Variants in STAC observed in about 807,000 individuals in gnomAD.
The protein encoded by STAC is SH3 and cysteine rich domain, also known as SH3 and cysteine-rich domain-containing protein.
In STAC, 43 loss-of-function variants were observed where a neutral mutation model predicts 48.8. That is an observed-to-expected ratio of 0.88 (90% CI 0.69 to 1.14). The LOEUF (loss-of-function observed/expected upper bound fraction) is 1.14, where lower values mean the gene tolerates loss of function less well. Ranked by LOEUF, STAC falls within the 50% of genes most tolerant of loss-of-function variation. STAC has a pLI of 0.00. For synonymous variants in STAC, 193 were observed against 179.5 expected (o/e 1.07, Z -0.60); for missense variants, 497 against 504.0 (o/e 0.99, Z 0.13).
chr3:36,435,166 C>A (rs34742417), intron 1 of STAC, among the ~76,000 whole-genome samples: 2 of 152,044 alleles, frequency 1.3e-5, no homozygotes, highest in Non-Finnish European at 2.9e-5. Flanking sequence ...CGGTACATTA[C>A]TCTAGTCCAT....
chr3:36,408,071 A>G (rs1221113417), intron 1 of STAC, among the ~76,000 whole-genome samples: 1 of 152,228 alleles, frequency 6.6e-6, no homozygotes, highest in Non-Finnish European at 1.5e-5. Flanking sequence ...ACAACCTAGA[A>G]GCTTACTTCT....
chr3:36,390,864 T>G (rs1699740005), intron 1 of STAC, among the ~76,000 whole-genome samples: 1 of 152,200 alleles, frequency 6.6e-6, no homozygotes, highest in Admixed American at 6.5e-5. Context: ...AAACAAAATT[T>G]GAAAATTTTT....
chr3:36,418,644 G>A (rs550015145), intron 1 of STAC, among the ~76,000 whole-genome samples: 1 of 151,088 alleles, frequency 6.6e-6, no homozygotes, highest in East Asian at 1.9e-4. Context: ...AAGTTCAATT[G>A]TTCATATATT....
At chr3:36,509,193 T>C (rs1205388610) in intron 8 of STAC, among the ~76,000 whole-genome samples, 1 of 152,214 alleles carries the variant, frequency 6.6e-6, no homozygotes, top group Non-Finnish European at 1.5e-5. Flanking sequence ...TTTGGCTGGA[T>C]ATAAAATTCT....
At chr3:36,482,099 G>T (rs1251187361) in intron 2 of STAC, among the ~76,000 whole-genome samples, 1 of 152,164 alleles carries the variant, frequency 6.6e-6, no homozygotes, top group East Asian at 1.9e-4. Context: ...AGACTTGCCT[G>T]GGAACCTACC....
intron 1 of STAC, among the ~76,000 whole-genome samples, chr3:36,415,702 G>T (rs745970776): frequency 1.3e-5 from 2 of 152,154 alleles, no homozygotes; most frequent in African/African-American, 4.8e-5. Flanking sequence ...CATCTTCTGC[G>T]TCGCTCACGT....
At chr3:36,430,195 C>T (rs1169093433) in intron 1 of STAC, among the ~76,000 whole-genome samples, 1 of 152,186 alleles carries the variant, frequency 6.6e-6, no homozygotes, top group Non-Finnish European at 1.5e-5. Flanking sequence ...AAGCCTGTAC[C>T]TGCATGTTGG....
At chr3:36,528,356 C>A (rs1698985336) in intron 8 of STAC, among the ~76,000 whole-genome samples, 1 of 151,870 alleles carries the variant, frequency 6.6e-6, no homozygotes, top group Admixed American at 6.6e-5. Context: ...GTAATCCCAG[C>A]TACTCGGGAG....
intron 1 of STAC, among the ~76,000 whole-genome samples, chr3:36,393,549 A>C: frequency 6.6e-6 from 1 of 151,788 alleles, no homozygotes; most frequent in Non-Finnish European, 1.5e-5. Flanking sequence ...ATTATGTTGA[A>C]ACTCTAATCT....
At chr3:36,446,634 C>T (rs1378604533) in intron 2 of STAC, among the ~76,000 whole-genome samples, 1 of 152,196 alleles carries the variant, frequency 6.6e-6, no homozygotes, top group Non-Finnish European at 1.5e-5. Context: ...ATTTCAAAGA[C>T]TTCAACAAGT....
intron 1 of STAC, among the ~76,000 whole-genome samples, chr3:36,414,557 A>T (rs943088106): frequency 2.0e-5 from 3 of 152,038 alleles, no homozygotes; most frequent in African/African-American, 7.3e-5. Flanking sequence ...TGCATTGGTT[A>T]TTCTAGTTAG....
Position 36,546,358 on chromosome 3 carries a change from G to A in STAC, c.*69G>A, listed in dbSNP as rs1046096535. On this transcript the variant is annotated 3_prime_UTR_variant, in exon 11 of 11. Coordinates refer to ENST00000273183, the MANE Select transcript of STAC (RefSeq NM_003149.3). ...ATGCCTCTGCCTCATCTCACACTGC[G>A]TCAACCCAAAGGAGCTGCCGCACTG... 8.5e-6 allele frequency: 12 copies of A among 1,403,908 alleles called. No homozygotes were observed. Among genetic ancestry groups the A allele is most frequent in the East Asian group, 2.3e-5 (1 of 43,708 alleles). The allele number at this position is 1,403,908 out of a possible 1,614,324, so 87.0% of individuals were successfully genotyped here. A position where few individuals can be genotyped will look rare whatever the true frequency, so the allele number is the denominator to read the frequency against.
intron 1 of STAC, among the ~76,000 whole-genome samples, chr3:36,439,071 T>C (rs57854291): frequency 0.013 from 1,927 of 152,190 alleles, 18 homozygotes; most frequent in African/African-American, 0.015. Context: ...TCTCCTCCAC[T>C]CCTCCATCCA....
intron 1 of STAC, among the ~76,000 whole-genome samples, chr3:36,441,906 C>T (rs192996278): frequency 1.6e-4 from 24 of 151,950 alleles, no homozygotes; most frequent in Admixed American, 9.2e-4. Flanking sequence ...CTGTTCAGAT[C>T]ATTTTCTCAT....
chr3:36,476,404 T>TA (rs1697495156), intron 2 of STAC, among the ~76,000 whole-genome samples: 1 of 152,134 alleles, frequency 6.6e-6, no homozygotes, highest in Admixed American at 6.5e-5. Flanking sequence ...TAAGACTGTT[T>TA]ACCAGTCAAA....
At chr3:36,390,451 C>CTTTTTTTTTTTTTTTTTTTTTTTTTT (rs59589769) in intron 1 of STAC, among the ~76,000 whole-genome samples, 15 of 80,822 alleles carry the variant, frequency 1.9e-4, no homozygotes, top group East Asian at 4.1e-4. Flanking sequence ...TTTTTCTTTT[C>CTTTTTTTTTTTTTTTTTTTTTTTTTT]TTTTTTTTTT....
chr3:36,461,406 G>A (rs1697013170), intron 2 of STAC, among the ~76,000 whole-genome samples: 1 of 152,064 alleles, frequency 6.6e-6, no homozygotes, highest in African/African-American at 2.4e-5. Flanking sequence ...CTGAACACTT[G>A]GGATGCATCA....
rs535475292 is a variant in STAC, at chr3:36,484,995, T to C, written c.508T>C (p.Tyr170His). 1 of 1,602,588 alleles carries C rather than the reference T, an allele frequency of 6.2e-7. No individual in the cohort carries two copies. The highest frequency in any genetic ancestry group is 1.1e-5 in the South Asian group (1 of 88,840). The change falls in exon 4 of 11, where the codon TAC becomes CAC. Residue 170 changes from tyrosine (Y) to histidine (H), a missense_variant. Coordinates refer to ENST00000273183, the MANE Select transcript of STAC (RefSeq NM_003149.3). ...MGKLPKGFRRYYSSPLLIHEQ... is the reference protein window; with the variant it reads ...MGKLPKGFRRHYSSPLLIHEQ... ...TCTCCAGCCAAAGGGGTTTCGGCGT[T>C]ACTACAGCTCCCCCTTGCTCATTCA... is the stretch of plus-strand genomic sequence containing the variant.
At chr3:36,517,009 G>T (rs1352581643) in intron 8 of STAC, among the ~76,000 whole-genome samples, 1 of 152,064 alleles carries the variant, frequency 6.6e-6, no homozygotes, top group Non-Finnish European at 1.5e-5. Context: ...TGTCCAACTG[G>T]TCCAGCAAAA....
Sources: gnomAD v4.1 joint callset for allele counts (sites outside exome capture counted in the v4.1 genomes callset) on GRCh38, gnomAD v4.1.1 for gene constraint, MANE v1.5 for transcripts, NCBI Gene and HGNC (gene_info 2026-07-23, HGNC 2026-07-21) for gene names.